The following ZNF620 variants were observed in gnomAD, a reference collection of about 807,000 sequenced individuals.
The protein encoded by ZNF620 is zinc finger protein 620.
In ZNF620, 10 loss-of-function variants were observed where a neutral mutation model predicts 13.3. The observed-to-expected ratio is 0.75, with a 90% CI of 0.46 to 1.28. The LOEUF (loss-of-function observed/expected upper bound fraction) is 1.28. ZNF620 is among the 50% of genes most tolerant of loss of function. ZNF620 has a pLI of 0.00. For missense variants in ZNF620, 461 were observed against 500.2 expected, an observed-to-expected ratio of 0.92 and a Z score of 0.75; for synonymous variants, 166 against 177.6, an observed-to-expected ratio of 0.93 and a Z score of 0.52.
chr3:40,508,968 T>C (rs1277372456), intron 2 of ZNF620, among the ~76,000 whole-genome samples: 1 of 152,110 alleles, frequency 6.6e-6, no homozygotes, highest in Non-Finnish European at 1.5e-5. Context: ...TTCTATTCTT[T>C]TGCTTTTAAT....
chr3:40,513,604 A>G (rs1698279105), intron 4 of ZNF620, among the ~76,000 whole-genome samples: 1 of 151,382 alleles, frequency 6.6e-6, no homozygotes. Context: ...ATACCATTGC[A>G]CTCCAGCCTG....
In ZNF620 at chr3:40,516,603, G is replaced by A; in HGVS notation, c.1009G>A (p.Glu337Lys). 1.2e-6 allele frequency: 2 copies of A among 1,614,122 alleles called. No individual in the cohort carries two copies. The highest frequency in any genetic ancestry group is 8.5e-7 in the Non-Finnish European group (1 of 1,180,012). Residue 337 changes from glutamate (E) to lysine (K), a missense_variant, in exon 5 of 5, where the codon GAA (glutamate) becomes AAA (lysine). Coordinates refer to ENST00000314529, the MANE Select transcript of ZNF620 (RefSeq NM_175888.4). ...AATGCACACTGGGGAGAAACCTTAT[G>A]AATGTAAAGAGTGTGGAAAACGATT... ...QRMHTGEKPY[E>K]CKECGKRLSS...
rs771216686 is a variant in ZNF620 at position 40,516,771 on chromosome 3, G to A, written c.1177G>A (p.Glu393Lys). 1.4e-5 allele frequency: 23 copies of A among 1,614,088 alleles called. No homozygotes were observed. The Admixed American group carries it at 3.0e-4, about 21-fold the overall frequency. Residue 393 changes from glutamate (E) to lysine (K), a missense_variant, in exon 5 of 5, where the codon GAG (glutamate) becomes AAG (lysine). Coordinates refer to ENST00000314529, the MANE Select transcript of ZNF620 (RefSeq NM_175888.4). Reference protein sequence around the residue: ...QRVHTGEKPYECKVCGKTFSW... With the variant: ...QRVHTGEKPYKCKVCGKTFSW... ...AGTTCACACTGGCGAGAAACCTTAT[G>A]AGTGTAAAGTGTGTGGTAAAACCTT...
intron 4 of ZNF620, among the ~76,000 whole-genome samples, chr3:40,513,795 T>C (rs1698285501): frequency 6.6e-6 from 1 of 152,136 alleles, no homozygotes; most frequent in Non-Finnish European, 1.5e-5. Context: ...ATTATAATAA[T>C]CTCTGTTCTA....
In ZNF620 at chr3:40,515,909, G is replaced by T; in HGVS notation, c.315G>T (p.Val105=). 1 of 1,613,840 alleles carries T rather than the reference G, an allele frequency of 6.2e-7. No homozygotes were observed. Among genetic ancestry groups the T allele is most frequent in the South Asian group, 1.1e-5 (1 of 91,032 alleles). ...AAGGATTAACTCCAAAGGATCATGT[G>T]TCCAAAGAAACAGAGTCCTTCAGAC... ...EKEGLTPKDH[V]SKETESFRLM... The change falls in exon 5 of 5, where the codon GTG becomes GTT. Residue 105 remains valine, a synonymous_variant. Transcript: ENST00000314529.
chr3:40,516,154 A>C lies in ZNF620; in HGVS notation c.560A>C (p.Gln187Pro). The change falls in exon 5 of 5, where the codon CAG (glutamine) becomes CCG (proline). Residue 187 changes from glutamine (Q) to proline (P), a missense_variant. By Grantham distance (76) the Gln-to-Pro change is moderately conservative. Transcript: ENST00000314529. ...GTCAGCACACAACTCACTACAAATC[A>C]GACAAATCCTAGTGGTCAGATATCT... ...ISVSTQLTTN[Q>P]TNPSGQISYE... is the part of the protein sequence containing the mutation. 6.2e-7 allele frequency: 1 copy of C among 1,614,158 alleles called. No individual in the cohort carries two copies. Among genetic ancestry groups the C allele is most frequent in the South Asian group, 1.1e-5 (1 of 91,088 alleles).
intron 2 of ZNF620, among the ~76,000 whole-genome samples, chr3:40,507,146 C>T (rs1698050883): frequency 7.7e-6 from 1 of 130,588 alleles, no homozygotes; most frequent in South Asian, 2.6e-4. Flanking sequence ...GGCTGGAGTG[C>T]AGTGGCGCGA....
chr3:40,511,434 C>T, intron 2 of ZNF620, 36 bp from the exon 3 acceptor site: 2 of 1,607,230 alleles, frequency 1.2e-6, no homozygotes, highest in Non-Finnish European at 1.7e-6. Context: ...ATCCTCTGCC[C>T]TCACACAGGG....
chr3:40,515,543 T>C (rs1312717481), intron 4 of ZNF620, among the ~76,000 whole-genome samples: 4 of 152,204 alleles, frequency 2.6e-5, no homozygotes, highest in Admixed American at 1.3e-4. Context: ...ACCTCATTCA[T>C]TTTTCTCTTA....
At chr3:40,510,897 G>A (rs1306510282) in intron 2 of ZNF620, among the ~76,000 whole-genome samples, 1 of 152,076 alleles carries the variant, frequency 6.6e-6, no homozygotes, top group African/African-American at 2.4e-5. Context: ...CTACAGGCAT[G>A]CACCACCACA....
chr3:40,509,334 C>T (rs770034171), intron 2 of ZNF620, among the ~76,000 whole-genome samples: 2 of 151,804 alleles, frequency 1.3e-5, no homozygotes, highest in Non-Finnish European at 2.9e-5. Flanking sequence ...TGGGTTCAAG[C>T]GATTCTTGTG....
At position 40,512,485 on chromosome 3, in the gene ZNF620, G is replaced by A; in HGVS notation, c.235G>A (p.Gly79Ser). The part of the protein sequence containing the change: ...PWGLDPWEPM[G>S]REALRGICPG... ...GGGCCTCGATCCCTGGGAACCTATG[G>A]GCAGGGAGGCTCTCAGAGGTATCTG... Residue 79 changes from glycine (G) to serine (S), a missense_variant, in exon 4 of 5, where the codon GGC (glycine) becomes AGC (serine). By Grantham distance (56) the Gly-to-Ser change is moderately conservative. Coordinates refer to ENST00000314529, the MANE Select transcript of ZNF620 (RefSeq NM_175888.4). The A allele has an allele frequency of 6.2e-7, 1 of 1,613,906 alleles. No individual in the cohort carries two copies. The highest frequency in any genetic ancestry group is 8.5e-7 in the Non-Finnish European group (1 of 1,179,898).
chr3:40,513,316 A>AAAAAATATATATAT (rs1193351404), intron 4 of ZNF620, among the ~76,000 whole-genome samples: 3 of 62,668 alleles, frequency 4.8e-5, no homozygotes, highest in African/African-American at 8.6e-5. Context: ...AAAAAAAAAA[A>AAAAAATATATATAT]ATATATATAT....
rs1193351404 is a variant in ZNF620, at chr3:40,513,316, A to AAAAAAT, written c.265+802_265+803insAAAATA. On this transcript the variant is annotated intron_variant, in intron 4 of 4. Coordinates refer to ENST00000314529, the MANE Select transcript of ZNF620 (RefSeq NM_175888.4). ...CCCGTCTCAACTAAAAAAAAAAAAA[A>AAAAAAT]ATATATATATATATATATATATATA... 8.8e-4 allele frequency among the ~76,000 whole-genome samples: 55 copies of AAAAAAT among 62,658 alleles called. 1 individual carries two copies. The highest frequency in any genetic ancestry group is 2.8e-3 in the African/African-American group (33 of 11,690). The allele number at this position is 62,658 out of a possible 152,430, so 41.1% of individuals were successfully genotyped here.
chr3:40,511,668 T>TG, intron 3 of ZNF620, 72 bp downstream of exon 3: 1 of 1,557,650 alleles, frequency 6.4e-7, no homozygotes, highest in African/African-American at 1.4e-5. Context: ...TAGAACTTTG[T>TG]GGGGTTTTTT....
rs1042428496 is a variant in ZNF620 at position 40,518,485 on chromosome 3, C to T, written c.*1622C>T. On this transcript the variant is annotated 3_prime_UTR_variant, in exon 5 of 5. Coordinates refer to ENST00000314529, the MANE Select transcript of ZNF620 (RefSeq NM_175888.4). ...GTGGCTCATGCCTGTAATCCCAGCA[C>T]TTTGGGAGGCTGAGGTGGGCAGATC... is the stretch of plus-strand genomic sequence containing the variant. 1 of 152,168 alleles carries T rather than the reference C, an allele frequency of 6.6e-6. No individual in the cohort carries two copies. Among genetic ancestry groups the T allele is most frequent in the African/African-American group, 2.4e-5 (1 of 41,424 alleles). The allele number at this position is 152,168 out of a possible 1,614,324, so 9.4% of individuals were successfully genotyped here.
chr3:40,511,451 C>T lies in ZNF620; in HGVS notation c.25-19C>T, dbSNP rs1480290693. 1 of 1,610,596 alleles carries T rather than the reference C, an allele frequency of 6.2e-7. No individual in the cohort carries two copies. The highest frequency in any genetic ancestry group is 8.5e-7 in the Non-Finnish European group (1 of 1,178,058). Reference sequence around the variant, plus strand: ...CCTCTGCCCTCACACAGGGTTTGAGCAGGAACTTGTTGTTTTAGGAACCAG... The same window carrying T: ...CCTCTGCCCTCACACAGGGTTTGAGTAGGAACTTGTTGTTTTAGGAACCAG... On this transcript the variant is annotated intron_variant, in intron 2 of 4. Transcript: ENST00000314529.
rs1299243473 is a variant in ZNF620 at position 40,516,352 on chromosome 3, A to G, written c.758A>G (p.Lys253Arg). ...QIIHTGKKPF[K>R]CKECGKGLSS... The stretch of plus-strand genomic sequence containing the variant: ...ATTCACACTGGAAAGAAACCATTTA[A>G]ATGTAAAGAATGTGGAAAAGGTTTA... Residue 253 changes from lysine to arginine, a missense_variant, in exon 5 of 5, where the codon AAA becomes AGA. Lys to Arg is a conservative substitution (Grantham distance 26). Coordinates refer to ENST00000314529, the MANE Select transcript of ZNF620 (RefSeq NM_175888.4). 6.2e-7 allele frequency: 1 copy of G among 1,614,116 alleles called. No individual in the cohort carries two copies. The highest frequency in any genetic ancestry group is 8.5e-7 in the Non-Finnish European group (1 of 1,180,044).
chr3:40,514,480 C>A (rs1342021537), intron 4 of ZNF620, among the ~76,000 whole-genome samples: 1 of 152,186 alleles, frequency 6.6e-6, no homozygotes, highest in African/African-American at 2.4e-5. Flanking sequence ...TCTTCTATCT[C>A]TTTGTCTTGT....
Sources: allele counts gnomAD v4.1 joint callset (sites outside exome capture counted in the v4.1 genomes callset), GRCh38; gene constraint gnomAD v4.1.1; transcripts MANE v1.5; gene names NCBI Gene and HGNC (gene_info 2026-07-23, HGNC 2026-07-21).